The following LRP1B variants were observed in gnomAD, a reference collection of about 807,000 sequenced individuals.
LRP1B encodes low-density lipoprotein receptor-related protein 1B.
A neutral mutation model predicts 556.6 loss-of-function variants in LRP1B; 217 were observed. The ratio of observed to expected loss-of-function variants is 0.39; its 90% CI spans 0.35 to 0.44. LRP1B has a LOEUF of 0.44. LRP1B is among the 20% of genes least tolerant of loss of function. The pLI is 1.00. For missense variants in LRP1B, 5,053 were observed against 5,620.8 expected, an observed-to-expected ratio of 0.90 and a Z score of 3.23; for synonymous variants, 2,047 against 1,865.8, an observed-to-expected ratio of 1.10 and a Z score of -2.50.
rs1684221956 is a variant in LRP1B at position 140,395,789 on chromosome 2, A to G, written c.10415-9780T>C. On this transcript the variant is annotated intron_variant, in intron 66 of 90. Transcript: ENST00000389484. ...TGCATGTCAATGCAATGTAATATTC[A>G]GTGGACATTTTTTGAATTCACATTA... 2.0e-5 allele frequency among the ~76,000 whole-genome samples: 3 copies of G among 152,240 alleles called. No homozygotes were observed. In the South Asian group the frequency reaches 6.2e-4, roughly 31 times the overall value.
chr2:140,498,830 A>G (rs1480024762), intron 55 of LRP1B, among the ~76,000 whole-genome samples: 4 of 151,934 alleles, frequency 2.6e-5, no homozygotes, highest in Non-Finnish European at 4.4e-5. Flanking sequence ...ATATGAATGC[A>G]ATATGTAAAA....
At chr2:141,923,484 GTGT>G (rs760728795) in intron 1 of LRP1B, among the ~76,000 whole-genome samples, 18,531 of 99,084 alleles carry the variant, frequency 0.19, 2,152 homozygotes, top group Admixed American at 0.3. Flanking sequence ...GTGTGTGTGT[GTGT>G]AGAGAGAGGG....
At chr2:140,765,463 T>C (rs1034857108) in intron 35 of LRP1B, among the ~76,000 whole-genome samples, 1 of 152,138 alleles carries the variant, frequency 6.6e-6, no homozygotes, top group African/African-American at 2.4e-5. Flanking sequence ...GCTTTTCTCC[T>C]AACTAAAATG....
chr2:141,096,636 GA>G (rs1700320314), intron 7 of LRP1B, among the ~76,000 whole-genome samples: 15 of 58,686 alleles, frequency 2.6e-4, no homozygotes, highest in African/African-American at 9.2e-4. Context: ...GGGGGAGAGA[GA>G]GAGAGAGAGA....
intron 41 of LRP1B, among the ~76,000 whole-genome samples, chr2:140,662,964 G>A (rs1435865801): frequency 6.6e-6 from 1 of 152,100 alleles, no homozygotes; most frequent in Non-Finnish European, 1.5e-5. Flanking sequence ...TAGAGTAAAT[G>A]TGTATAATTT....
intron 47 of LRP1B, among the ~76,000 whole-genome samples, chr2:140,528,852 C>G (rs940506863): frequency 3.9e-5 from 6 of 152,000 alleles, no homozygotes; most frequent in Admixed American, 1.3e-4. Flanking sequence ...CTCTTTCTCT[C>G]TGTTGCTTCA....
At chr2:141,965,821 GT>G (rs1271920118) in intron 1 of LRP1B, among the ~76,000 whole-genome samples, 45 of 133,386 alleles carry the variant, frequency 3.4e-4, no homozygotes, top group African/African-American at 6.8e-4. Context: ...AAAGAAAATT[GT>G]TTTTTTTTTA....
chr2:141,131,273 A>C (rs2105026787), intron 7 of LRP1B, among the ~76,000 whole-genome samples: 1 of 151,982 alleles, frequency 6.6e-6, no homozygotes, highest in Admixed American at 6.6e-5. Flanking sequence ...TGCTGCTATT[A>C]AAATGTAAAA....
chr2:141,764,334 C>T (rs1243289525), intron 2 of LRP1B, among the ~76,000 whole-genome samples: 1 of 152,144 alleles, frequency 6.6e-6, no homozygotes, highest in African/African-American at 2.4e-5. Flanking sequence ...GCGCCCGCCA[C>T]CACATCCAGC....
At chr2:141,467,906 T>A (rs547076204) in intron 3 of LRP1B, among the ~76,000 whole-genome samples, 22 of 150,314 alleles carry the variant, frequency 1.5e-4, no homozygotes, top group African/African-American at 4.9e-4. Context: ...TGCAAAGCAA[T>A]CCCTACACCT....
chr2:141,228,593 G>GTA (rs1486648262), intron 6 of LRP1B, among the ~76,000 whole-genome samples: 5 of 151,478 alleles, frequency 3.3e-5, no homozygotes, highest in Non-Finnish European at 7.4e-5. Context: ...GTGTGTGTGT[G>GTA]TGTGTGTGTG....
intron 3 of LRP1B, among the ~76,000 whole-genome samples, chr2:141,318,340 T>C (rs1687105326): frequency 6.6e-6 from 1 of 152,152 alleles, no homozygotes; most frequent in Non-Finnish European, 1.5e-5. Context: ...GGGTTAGAGA[T>C]AAGAATTAGC....
intron 66 of LRP1B, among the ~76,000 whole-genome samples, chr2:140,432,243 T>C (rs570227501): frequency 2.6e-5 from 4 of 152,250 alleles, no homozygotes; most frequent in Admixed American, 2.6e-4. Flanking sequence ...CCTTTGACTG[T>C]AATTTTCCTT....
At chr2:140,890,699 C>T (rs1693772255) in intron 23 of LRP1B, among the ~76,000 whole-genome samples, 1 of 151,936 alleles carries the variant, frequency 6.6e-6, no homozygotes, top group Admixed American at 6.6e-5. Flanking sequence ...TCTATGTTGA[C>T]TTATTAGATT....
intron 7 of LRP1B, among the ~76,000 whole-genome samples, chr2:141,094,811 A>C (rs570371662): frequency 6.6e-6 from 1 of 152,330 alleles, no homozygotes; most frequent in Middle Eastern, 3.4e-3. Context: ...GCATTCGCTA[A>C]GGATAAAGTT....
intron 5 of LRP1B, among the ~76,000 whole-genome samples, chr2:141,236,805 T>C (rs1683661578): frequency 6.6e-6 from 1 of 152,028 alleles, no homozygotes; most frequent in Non-Finnish European, 1.5e-5. Context: ...AGAATGGCCA[T>C]ATGTGGCAAT....
At chr2:141,225,289 A>G (rs189091699) in intron 6 of LRP1B, among the ~76,000 whole-genome samples, 1 of 152,186 alleles carries the variant, frequency 6.6e-6, no homozygotes, top group African/African-American at 2.4e-5. Flanking sequence ...AGAGTATTGA[A>G]GAATTCACCC....
At position 142,038,106 on chromosome 2, in the gene LRP1B, C is replaced by G. The variant is rs895935; in HGVS notation, c.82+92542G>C. On this transcript the variant is annotated intron_variant, in intron 1 of 90. Coordinates refer to ENST00000389484, the MANE Select transcript of LRP1B (RefSeq NM_018557.3). ...CCCTCTTCAATTATTTAAAGCAACA[C>G]TTTTGATCTTAAGTTTCATCTTATT... Among the ~76,000 whole-genome samples the G allele has an allele frequency of 3.3e-5, 5 of 151,440 alleles. No individual in the cohort carries two copies. The East Asian group carries it at 7.8e-4, about 24-fold the overall frequency.
chr2:141,717,987 C>G (rs1388619912), intron 2 of LRP1B, among the ~76,000 whole-genome samples: 1 of 152,190 alleles, frequency 6.6e-6, no homozygotes, highest in Non-Finnish European at 1.5e-5. Context: ...ACATTTGTAG[C>G]CCTCCCAGGG....
Sources: gnomAD v4.1 joint callset for allele counts (sites outside exome capture counted in the v4.1 genomes callset) on GRCh38, gnomAD v4.1.1 for gene constraint, MANE v1.5 for transcripts, NCBI Gene and HGNC (gene_info 2026-07-23, HGNC 2026-07-21) for gene names.